The following TACC2 variants were observed in gnomAD, a reference collection of about 807,000 sequenced individuals.
TACC2 encodes the protein transforming acidic coiled-coil containing protein 2.
A neutral mutation model predicts 227.3 loss-of-function variants in TACC2; 137 were observed. The ratio of observed to expected loss-of-function variants is 0.60; its 90% CI spans 0.52 to 0.69. The LOEUF (loss-of-function observed/expected upper bound fraction) is 0.69. Ranked by LOEUF, TACC2 falls within the 30% of genes least tolerant of loss-of-function variation. The pLI is 0.00. For synonymous variants in TACC2, 1,523 were observed against 1,487.5 expected (o/e 1.02, Z -0.55); for missense variants, 3,470 against 3,694.4 (o/e 0.94, Z 1.57).
At chr10:122,156,613 A>C (rs1385019321) in intron 7 of TACC2, among the ~76,000 whole-genome samples, 4 of 152,090 alleles carry the variant, frequency 2.6e-5, no homozygotes, top group Non-Finnish European at 5.9e-5. Context: ...TTCTGTCCTC[A>C]TCCTGGCTGA....
chr10:122,044,768 G>A (rs2074775523), intron 2 of TACC2, among the ~76,000 whole-genome samples: 2 of 151,080 alleles, frequency 1.3e-5, no homozygotes, highest in Admixed American at 6.6e-5. Flanking sequence ...ACTGTTTAAA[G>A]ATTGCTTTAA....
chr10:122,176,308 A>C (rs866872954), intron 7 of TACC2, among the ~76,000 whole-genome samples: 2 of 151,678 alleles, frequency 1.3e-5, no homozygotes, highest in African/African-American at 4.9e-5. Context: ...CCTTATTCTT[A>C]GAAGTAGGAG....
chr10:122,204,792 T>C (rs1354571751), intron 8 of TACC2, among the ~76,000 whole-genome samples: 1 of 151,424 alleles, frequency 6.6e-6, no homozygotes, highest in African/African-American at 2.4e-5. Flanking sequence ...GCCACTGCAC[T>C]GCAGCCTGGG....
chr10:122,136,543 G>GTATATATATATA lies in TACC2; in HGVS notation c.5699+3810_5699+3811insATATATATATAT, dbSNP rs747076679. On this transcript the variant is annotated intron_variant, in intron 6 of 22. Transcript: ENST00000369005. The stretch of plus-strand genomic sequence containing the variant: ...TGTGTGTATGTATGTTTGTGTGTGT[G>GTATATATATATA]TGTATATATATATATATATATATAT... 2.1e-3 allele frequency among the ~76,000 whole-genome samples: 307 copies of GTATATATATATA among 143,228 alleles called. 1 individual carries two copies. The highest frequency in any genetic ancestry group is 9.4e-3 in the South Asian group (42 of 4,478). 94.0% of individuals were successfully genotyped at this position (143,228 alleles called of 152,430 possible). A position where few individuals can be genotyped will look rare whatever the true frequency, so the allele number is the denominator to read the frequency against.
intron 1 of TACC2, among the ~76,000 whole-genome samples, chr10:122,010,139 A>T (rs1329454380): frequency 1.3e-5 from 2 of 152,140 alleles, no homozygotes; most frequent in Non-Finnish European, 2.9e-5. Flanking sequence ...TGTAGTTGGC[A>T]CCGACACTAT....
At chr10:122,216,274 TC>T (rs1454308830) in intron 10 of TACC2, among the ~76,000 whole-genome samples, 2 of 152,198 alleles carry the variant, frequency 1.3e-5, no homozygotes, top group African/African-American at 4.8e-5. Flanking sequence ...GTCAGGTGAT[TC>T]TGGTGATATT....
intron 7 of TACC2, among the ~76,000 whole-genome samples, chr10:122,184,670 T>C (rs2094114982): frequency 6.6e-6 from 1 of 152,244 alleles, no homozygotes; most frequent in Admixed American, 6.5e-5. Context: ...ATGTGTTGCT[T>C]TTATGTGTGT....
At position 122,085,520 on chromosome 10, in the gene TACC2, A is replaced by G. The variant is rs762054534; in HGVS notation, c.3020A>G (p.His1007Arg). Residue 1007 changes from histidine to arginine, a missense_variant, in exon 4 of 23, where the codon CAT (histidine) becomes CGT (arginine). His to Arg is a conservative substitution (Grantham distance 29, BLOSUM62 0). Coordinates refer to ENST00000369005, the MANE Select transcript of TACC2 (RefSeq NM_206862.4). ...GATGCCTTGGAAGAAGGCAGCCAGC[A>G]TGAAGAAGCATGTCAAAGGCATCCA... ...LADALEEGSQ[H>R]EEACQRHPGA... 2 of 1,613,488 alleles carry G rather than the reference A, an allele frequency of 1.2e-6. No homozygotes were observed. Among genetic ancestry groups the G allele is most frequent in the Non-Finnish European group, 1.7e-6 (2 of 1,180,054 alleles).
chr10:122,078,853 G>C (rs2136975210), intron 3 of TACC2: 1 of 152,356 alleles, frequency 6.6e-6, no homozygotes, highest in Non-Finnish European at 1.5e-5. Flanking sequence ...CCAATGTCTG[G>C]GTTCTTATTT....
intron 2 of TACC2, chr10:122,023,044 C>G (rs557285663): frequency 2.2e-5 from 2 of 90,710 alleles, no homozygotes; most frequent in African/African-American, 5.0e-5. Flanking sequence ...CTTTTTCTTC[C>G]CTACAATTTT....
At chr10:122,236,026 C>T (rs900307904) in intron 16 of TACC2, among the ~76,000 whole-genome samples, 5 of 152,222 alleles carry the variant, frequency 3.3e-5, no homozygotes, top group Admixed American at 2.0e-4. Context: ...TGCATGTATA[C>T]AGCTAACTAA....
rs1306198391 is a variant in TACC2, at chr10:122,064,522, T to C, written c.146+13972T>C. 2.0e-5 allele frequency among the ~76,000 whole-genome samples: 3 copies of C among 152,180 alleles called. 1 individual carries two copies. The highest frequency in any genetic ancestry group is 4.4e-5 in the Non-Finnish European group (3 of 68,026). On this transcript the variant is annotated intron_variant, in intron 3 of 22. Coordinates refer to ENST00000369005, the MANE Select transcript of TACC2 (RefSeq NM_206862.4). ...TTGTCATCATTTTACTGAAACTACA[T>C]TGAACAAAACCACATTATTGGAGAG...
At position 121,989,481 on chromosome 10, in the gene TACC2, G is replaced by A. The variant is rs1009037273; in HGVS notation, c.-53G>A. 6.6e-6 allele frequency: 1 copy of A among 152,226 alleles called. No individual in the cohort carries two copies. Among genetic ancestry groups the A allele is most frequent in the East Asian group, 1.9e-4 (1 of 5,178 alleles). 9.4% of individuals were successfully genotyped at this position (152,226 alleles called of 1,614,324 possible). ...ATCAGATTCCCTACTGGTAACAGCT[G>A]GAGTGCGGTAAGTAAGGAGGAGAGG... is the stretch of plus-strand genomic sequence containing the variant. On this transcript the variant is annotated 5_prime_UTR_variant, in exon 1 of 23. Transcript: ENST00000369005.
intron 9 of TACC2, among the ~76,000 whole-genome samples, chr10:122,215,167 A>T (rs542259304): frequency 6.6e-6 from 1 of 152,230 alleles, no homozygotes; most frequent in African/African-American, 2.4e-5. Flanking sequence ...CTCTTTAAAG[A>T]TCTCCAGCTT....
intron 11 of TACC2, 131 bp from the exon 12 acceptor site, chr10:122,224,595 G>A: frequency 1.3e-6 from 1 of 741,192 alleles, no homozygotes; most frequent in Non-Finnish European, 2.3e-6. Context: ...TCTAGACAGT[G>A]GGCACCGTCA....
At chr10:122,183,960 G>A (rs1282820628) in intron 7 of TACC2, among the ~76,000 whole-genome samples, 2 of 152,180 alleles carry the variant, frequency 1.3e-5, no homozygotes, top group Non-Finnish European at 2.9e-5. Context: ...CCAGGTGCCC[G>A]CAGGTGATGG....
chr10:122,061,335 C>G (rs956914742), intron 3 of TACC2, among the ~76,000 whole-genome samples: 1 of 149,988 alleles, frequency 6.7e-6, no homozygotes, highest in African/African-American at 2.5e-5. Context: ...AGGAAGATTC[C>G]TGAAGCTTTG....
chr10:122,062,973 T>C (rs1418397941), intron 3 of TACC2, among the ~76,000 whole-genome samples: 1 of 152,152 alleles, frequency 6.6e-6, no homozygotes, highest in African/African-American at 2.4e-5. Flanking sequence ...TTAAGGAACT[T>C]GTTCTAGGTC....
Position 122,141,422 on chromosome 10 carries a change from G to T in TACC2, c.5700-2150G>T, listed in dbSNP as rs1399052191. On this transcript the variant is annotated intron_variant, in intron 6 of 22. Coordinates refer to ENST00000369005, the MANE Select transcript of TACC2 (RefSeq NM_206862.4). This position sits in a 1 kb window ranked among gnomAD's most constrained non-coding sequence, Gnocchi z 4.3. The stretch of plus-strand genomic sequence containing the variant: ...ACGGGACCCAGCCAGCGCAGGAAGG[G>T]TGTGGCCATGGCAGTTGGGACCAAC... 6.6e-6 allele frequency among the ~76,000 whole-genome samples: 1 copy of T among 152,170 alleles called. No individual in the cohort carries two copies. Among genetic ancestry groups the T allele is most frequent in the Non-Finnish European group, 1.5e-5 (1 of 68,030 alleles).
Sources: gnomAD v4.1 joint callset for allele counts (sites outside exome capture counted in the v4.1 genomes callset) on GRCh38, gnomAD v4.1.1 for gene constraint, Gnocchi (gnomAD v3.1) non-coding constraint, MANE v1.5 for transcripts, NCBI Gene and HGNC (gene_info 2026-07-23, HGNC 2026-07-21) for gene names.